BATF3: variants seen among roughly 807,000 people sequenced by gnomAD.
BATF3 encodes the protein basic leucine zipper ATF-like transcription factor 3.
A neutral mutation model predicts 16.1 loss-of-function variants in BATF3; 8 were observed. The observed-to-expected ratio is 0.50, with a 90% confidence interval of 0.29 to 0.90. BATF3 has a LOEUF of 0.90. Ranked by LOEUF, BATF3 falls within the 40% of genes least tolerant of loss-of-function variation. The pLI is 0.08. For missense variants in BATF3, 139 were observed against 167.0 expected (o/e 0.83, Z 0.92); for synonymous variants, 74 against 72.7 (o/e 1.02, Z -0.09).
intron 2 of BATF3, among the ~76,000 whole-genome samples, chr1:212,696,264 A>C (rs1007430447): frequency 2.0e-5 from 3 of 152,200 alleles, no homozygotes; most frequent in African/African-American, 7.2e-5. Flanking sequence ...AAACTAGGAA[A>C]TGTGGTCTTT....
rs1326660105 is a variant in BATF3, at chr1:212,689,477, T to C, written c.196-2498A>G. 6.6e-6 allele frequency among the ~76,000 whole-genome samples: 1 copy of C among 152,178 alleles called. No homozygotes were observed. Among genetic ancestry groups the C allele is most frequent in the Non-Finnish European group, 1.5e-5 (1 of 68,030 alleles). On this transcript the variant is annotated intron_variant, in intron 2 of 2. Coordinates refer to ENST00000243440, the MANE Select transcript of BATF3 (RefSeq NM_018664.3). The surrounding 1 kb of genome is among the most constrained non-coding windows in gnomAD (Gnocchi z 4.6). ...ACCAGTACACTGGCCCCATTCTGCC[T>C]CTATCCTCCTCCCTGCCTCCCACTC...
intron 2 of BATF3, among the ~76,000 whole-genome samples, chr1:212,688,025 A>C (rs924553641): frequency 6.9e-5 from 10 of 145,638 alleles, no homozygotes; most frequent in Admixed American, 1.4e-4. Flanking sequence ...GGAAGGAAGG[A>C]AGGAAGGAAG....
intron 2 of BATF3, among the ~76,000 whole-genome samples, chr1:212,694,443 C>T (rs74580057): frequency 0.028 from 4,317 of 152,122 alleles, 72 homozygotes; most frequent in Middle Eastern, 0.041. Flanking sequence ...ATGGCAATGC[C>T]TTGGTATTTG....
chr1:212,691,930 G>A (rs1159197950), intron 2 of BATF3, among the ~76,000 whole-genome samples: 1 of 152,220 alleles, frequency 6.6e-6, no homozygotes, highest in Non-Finnish European at 1.5e-5. Context: ...ATCCCCACGG[G>A]AGGTGTGAGC....
intron 2 of BATF3, among the ~76,000 whole-genome samples, chr1:212,690,145 T>C (rs1202288948): frequency 1.3e-5 from 2 of 152,212 alleles, no homozygotes; most frequent in Admixed American, 1.3e-4. Flanking sequence ...GAGAGTACAT[T>C]TGAATAGTTC....
In BATF3 at chr1:212,699,570, C is replaced by G; in HGVS notation, c.90+103G>C. The stretch of plus-strand genomic sequence containing the variant: ...TCCGGCCGCACCCGCCACCTCTGCA[C>G]CTCCGCAGTCACCACCACGGAACTC... On this transcript the variant is annotated intron_variant, in intron 1 of 2. Coordinates refer to ENST00000243440, the MANE Select transcript of BATF3 (RefSeq NM_018664.3). This position sits in a 1 kb window ranked among gnomAD's most constrained non-coding sequence, Gnocchi z 4.4. 1 of 968,208 alleles carries G rather than the reference C, an allele frequency of 1.0e-6. No homozygotes were observed. 60.0% of individuals were successfully genotyped at this position (968,208 alleles called of 1,614,324 possible). A position where few individuals can be genotyped will look rare whatever the true frequency, so the allele number is the denominator to read the frequency against.
intron 2 of BATF3, among the ~76,000 whole-genome samples, chr1:212,694,034 G>A (rs1657067310): frequency 6.6e-6 from 1 of 152,200 alleles, no homozygotes; most frequent in South Asian, 2.1e-4. Flanking sequence ...CCTTGTAAGT[G>A]AAAGAGGGTG....
At chr1:212,687,130 A>G (rs1656867848) in intron 2 of BATF3, 151 bp from the exon 3 acceptor site, 2 of 634,532 alleles carry the variant, frequency 3.2e-6, no homozygotes, top group Admixed American at 5.2e-5. Flanking sequence ...TGTCTATTTG[A>G]TGAGTGTCTC....
chr1:212,699,482 C>T lies in BATF3; in HGVS notation c.90+191G>A, dbSNP rs1468408993. ...TTCCAGGAGCCGCGGACACTGTGCG[C>T]ACGACAGGGTCCCTGGATCGCCCCC... On this transcript the variant is annotated intron_variant, in intron 1 of 2. Coordinates refer to ENST00000243440, the MANE Select transcript of BATF3 (RefSeq NM_018664.3). This position sits in a 1 kb window ranked among gnomAD's most constrained non-coding sequence, Gnocchi z 4.4. 1.3e-5 allele frequency among the ~76,000 whole-genome samples: 2 copies of T among 152,100 alleles called. No individual in the cohort carries two copies. Among genetic ancestry groups the T allele is most frequent in the Non-Finnish European group, 2.9e-5 (2 of 67,982 alleles).
chr1:212,699,696 G>A lies in BATF3; in HGVS notation c.67C>T (p.Pro23Ser). Residue 23 changes from proline to serine, a missense_variant, in exon 1 of 3, where the codon CCG becomes TCG. Coordinates refer to ENST00000243440, the MANE Select transcript of BATF3 (RefSeq NM_018664.3). The surrounding 1 kb of genome is among the most constrained non-coding windows in gnomAD (Gnocchi z 4.4). ...QRSVAAPGNQ[P>S]QPQPQQQSPE... is the part of the protein sequence containing the mutation. ...ACCTGCTGCTGCGGCTGCGGCTGCGGCTGGTTCCCGGGCGCCGCGACGCTC... is the reference window on the plus strand; with the variant it reads ...ACCTGCTGCTGCGGCTGCGGCTGCGACTGGTTCCCGGGCGCCGCGACGCTC... 2 of 1,350,474 alleles carry A rather than the reference G, an allele frequency of 1.5e-6. No homozygotes were observed. Among genetic ancestry groups the A allele is most frequent in the Non-Finnish European group, 1.9e-6 (2 of 1,046,672 alleles). 83.7% of individuals were successfully genotyped at this position (1,350,474 alleles called of 1,614,324 possible). A position where few individuals can be genotyped will look rare whatever the true frequency, so the allele number is the denominator to read the frequency against.
chr1:212,697,042 C>T lies in BATF3; in HGVS notation c.114G>A (p.Lys38=), dbSNP rs2102403961. ...CTCGGTTTTTTTCTCTCCTTCGGAC[C>T]TTCCTGTCATCATCCTCAGGGCTCT... is the stretch of plus-strand genomic sequence containing the variant. The part of the protein sequence containing the change: ...QQQSPEDDDR[K]VRRREKNRVA... Residue 38 remains lysine (K), a synonymous_variant, in exon 2 of 3, where the codon AAG becomes AAA. Coordinates refer to ENST00000243440, the MANE Select transcript of BATF3 (RefSeq NM_018664.3). 2 of 1,614,114 alleles carry T rather than the reference C, an allele frequency of 1.2e-6. No individual in the cohort carries two copies. The highest frequency in any genetic ancestry group is 2.2e-5 in the South Asian group (2 of 91,084).
In BATF3 at chr1:212,699,665, C is replaced by A; in HGVS notation, c.90+8G>T. On this transcript the variant is annotated splice_region_variant and intron_variant, in intron 1 of 2. Coordinates refer to ENST00000243440, the MANE Select transcript of BATF3 (RefSeq NM_018664.3). The surrounding 1 kb of genome is among the most constrained non-coding windows in gnomAD (Gnocchi z 4.4). Reference sequence around the variant, plus strand: ...CCCACGGCCCTCCCTGAGCCTCTCGCCCTCTACCTGCTGCTGCGGCTGCGG... The same window carrying A: ...CCCACGGCCCTCCCTGAGCCTCTCGACCTCTACCTGCTGCTGCGGCTGCGG... The A allele has an allele frequency of 7.5e-7, 1 of 1,333,988 alleles. No individual in the cohort carries two copies. The highest frequency in any genetic ancestry group is 1.9e-5 in the South Asian group (1 of 52,280). The allele number at this position is 1,333,988 out of a possible 1,614,324, so 82.6% of individuals were successfully genotyped here. A position where few individuals can be genotyped will look rare whatever the true frequency, so the allele number is the denominator to read the frequency against.
At position 212,689,955 on chromosome 1, in the gene BATF3, C is replaced by A. The variant is rs1395731469; in HGVS notation, c.196-2976G>T. Among the ~76,000 whole-genome samples, 1 of 144,806 alleles carries A rather than the reference C, an allele frequency of 6.9e-6. No individual in the cohort carries two copies. The highest frequency in any genetic ancestry group is 6.7e-5 in the Admixed American group (1 of 14,970). The allele number at this position is 144,806 out of a possible 152,430, so 95.0% of individuals were successfully genotyped here. A position where few individuals can be genotyped will look rare whatever the true frequency, so the allele number is the denominator to read the frequency against. ...CATACACAATCAACACACAGTCACA[C>A]AAACACTCTCACAGTCACACACATA... On this transcript the variant is annotated intron_variant, in intron 2 of 2. Coordinates refer to ENST00000243440, the MANE Select transcript of BATF3 (RefSeq NM_018664.3). This position sits in a 1 kb window ranked among gnomAD's most constrained non-coding sequence, Gnocchi z 4.6.
chr1:212,688,995 C>T (rs1446456809), intron 2 of BATF3, among the ~76,000 whole-genome samples: 1 of 152,176 alleles, frequency 6.6e-6, no homozygotes, highest in Non-Finnish European at 1.5e-5. Flanking sequence ...CTCAACTGGA[C>T]TGCCTTCCTC....
rs1571838612 is a variant in BATF3, at chr1:212,699,532, A to G, written c.90+141T>C. 5 of 541,884 alleles carry G rather than the reference A, an allele frequency of 9.2e-6. No individual in the cohort carries two copies. Among genetic ancestry groups the G allele is most frequent in the Non-Finnish European group, 1.4e-5 (5 of 364,074 alleles). The allele number at this position is 541,884 out of a possible 1,614,324, so 33.6% of individuals were successfully genotyped here. A position where few individuals can be genotyped will look rare whatever the true frequency, so the allele number is the denominator to read the frequency against. ...CATTCCCCAACATCCCTACGCCCCT[A>G]CCTCTGCTTGTCTCCGGCCGCACCC... On this transcript the variant is annotated intron_variant, in intron 1 of 2. Transcript: ENST00000243440. The surrounding 1 kb of genome is among the most constrained non-coding windows in gnomAD (Gnocchi z 4.4).
At chr1:212,694,021 G>C (rs932327648) in intron 2 of BATF3, among the ~76,000 whole-genome samples, 4 of 152,148 alleles carry the variant, frequency 2.6e-5, no homozygotes, top group South Asian at 2.1e-4. Context: ...CAATCATAAG[G>C]GTCCTTGTAA....
chr1:212,697,083 G>A lies in BATF3; in HGVS notation c.91-18C>T, dbSNP rs190952354. 1.0e-5 allele frequency: 16 copies of A among 1,603,688 alleles called. No individual in the cohort carries two copies. Among genetic ancestry groups the A allele is most frequent in the East Asian group, 6.7e-5 (3 of 44,834 alleles). ...TCAGGGCTCTGGGGAAAAACACTGG[G>A]TGGGTGTGATGTCGTGGCCCCTCGC... On this transcript the variant is annotated intron_variant, in intron 1 of 2. Coordinates refer to ENST00000243440, the MANE Select transcript of BATF3 (RefSeq NM_018664.3).
At chr1:212,693,752 C>G (rs1657059904) in intron 2 of BATF3, among the ~76,000 whole-genome samples, 1 of 152,210 alleles carries the variant, frequency 6.6e-6, no homozygotes, top group Non-Finnish European at 1.5e-5. Flanking sequence ...ACTCAGTTAT[C>G]AAATGCAGCA....
intron 2 of BATF3, among the ~76,000 whole-genome samples, chr1:212,688,315 G>T (rs115113369): frequency 2.0e-5 from 3 of 152,176 alleles, no homozygotes; most frequent in Admixed American, 6.5e-5. Context: ...CTCAGAAAAT[G>T]TTGCTCCCAG....
Sources: allele counts gnomAD v4.1 joint callset (sites outside exome capture counted in the v4.1 genomes callset), GRCh38; gene constraint gnomAD v4.1.1; non-coding constraint Gnocchi (gnomAD v3.1); transcripts MANE v1.5; gene names NCBI Gene and HGNC (gene_info 2026-07-23, HGNC 2026-07-21).